CNOT8: variants seen among roughly 807,000 people sequenced by gnomAD.
CNOT8 encodes CCR4-NOT transcription complex subunit 8, also known as CAF1-like protein.
Under a neutral mutation model 34.6 loss-of-function variants are expected in CNOT8, and 18 were observed. The observed-to-expected ratio is 0.52, with a 90% CI of 0.36 to 0.77. The LOEUF (loss-of-function observed/expected upper bound fraction) is 0.77, where lower values mean the gene tolerates loss of function less well. Among genes scored for constraint, CNOT8 ranks in the 30% least tolerant of loss-of-function variants. CNOT8 has a pLI of 0.00. For synonymous variants in CNOT8, 101 were observed against 118.8 expected, an observed-to-expected ratio of 0.85 and a Z score of 0.98; for missense variants, 189 against 347.9, an observed-to-expected ratio of 0.54 and a Z score of 3.63.
intron 1 of CNOT8, among the ~76,000 whole-genome samples, chr5:154,862,038 A>G (rs1287090484): frequency 6.6e-6 from 1 of 152,118 alleles, no homozygotes; most frequent in Non-Finnish European, 1.5e-5. Flanking sequence ...GTTGTTTGCC[A>G]TAATAATAAC....
chr5:154,870,311 T>C (rs534183556), intron 3 of CNOT8: 64 of 161,002 alleles, frequency 4.0e-4, no homozygotes, highest in Non-Finnish European at 6.6e-4. Context: ...CTGGAACTCC[T>C]GGTCTGAAGT....
intron 1 of CNOT8, 169 bp downstream of exon 1, chr5:154,858,937 G>A (rs1005929677): frequency 1.3e-5 from 2 of 152,192 alleles, no homozygotes; most frequent in Non-Finnish European, 2.9e-5. Context: ...ACCGTCACAC[G>A]ATAATATTCG....
intron 3 of CNOT8, among the ~76,000 whole-genome samples, chr5:154,867,398 C>G (rs1762000661): frequency 6.6e-6 from 1 of 151,920 alleles, no homozygotes; most frequent in African/African-American, 2.4e-5. Context: ...ATGACAGAGT[C>G]TTTTAGATAA....
intron 3 of CNOT8, among the ~76,000 whole-genome samples, chr5:154,869,318 C>T (rs1490349685): frequency 1.3e-5 from 2 of 151,008 alleles, no homozygotes; most frequent in South Asian, 4.2e-4. Context: ...GGGGTTTCTC[C>T]ATGTTGGTCA....
chr5:154,866,302 C>T (rs1761862452), intron 3 of CNOT8, among the ~76,000 whole-genome samples: 1 of 152,162 alleles, frequency 6.6e-6, no homozygotes, highest in Non-Finnish European at 1.5e-5. Flanking sequence ...GCTGGGACTA[C>T]AGGTGCACGC....
rs776689029 is a variant in CNOT8, at chr5:154,863,355, A to G, written c.77A>G (p.Lys26Arg). The change falls in exon 2 of 7, where the codon AAG (lysine) becomes AGG (arginine). Residue 26 changes from lysine to arginine, a missense_variant. By Grantham distance (26) the Lys-to-Arg change is conservative (BLOSUM62 2). This residue lies in a region of CNOT8 where 160 missense variants were observed against 321.9 expected (regional missense o/e 0.50). Transcript: ENST00000285896. Reference sequence around the variant, plus strand: ...AGTAATCTAGAAGAAGAGATGAGGAAGATCCGAGAAATCGTGCTCAGTTAC... The same window carrying G: ...AGTAATCTAGAAGAAGAGATGAGGAGGATCCGAGAAATCGTGCTCAGTTAC... ...WASNLEEEMRKIREIVLSYSY... is the reference protein window; with the variant it reads ...WASNLEEEMRRIREIVLSYSY... The G allele has an allele frequency of 6.2e-7, 1 of 1,614,030 alleles. No individual in the cohort carries two copies. The highest frequency in any genetic ancestry group is 8.5e-7 in the Non-Finnish European group (1 of 1,179,878).
chr5:154,859,789 A>C (rs900285350), intron 1 of CNOT8: 1 of 152,220 alleles, frequency 6.6e-6, no homozygotes, highest in Non-Finnish European at 1.5e-5. Flanking sequence ...GTTTTGGAGA[A>C]GTTTACACCG....
At position 154,875,580 on chromosome 5, in the gene CNOT8, TA is replaced by T; in HGVS notation, c.*142del. ...GCATTGAGCAGAAAGACTTTTGTTT[TA>T]CTGAAGACAAAAGATGTTTTTATTT... is the stretch of plus-strand genomic sequence containing the variant. On this transcript the variant is annotated 3_prime_UTR_variant, in exon 7 of 7. Transcript: ENST00000285896. 1.1e-6 allele frequency: 1 copy of T among 882,420 alleles called. No individual in the cohort carries two copies. Among genetic ancestry groups the T allele is most frequent in the Non-Finnish European group, 1.7e-6 (1 of 605,962 alleles). 54.7% of individuals were successfully genotyped at this position (882,420 alleles called of 1,614,324 possible). A position where few individuals can be genotyped will look rare whatever the true frequency, so the allele number is the denominator to read the frequency against.
intron 4 of CNOT8, among the ~76,000 whole-genome samples, chr5:154,871,120 G>A (rs942302841): frequency 2.1e-4 from 32 of 152,060 alleles, no homozygotes; most frequent in Admixed American, 6.6e-4. Context: ...TGGCTGTCTC[G>A]GAGTTTCTTA....
At chr5:154,861,505 AT>A (rs1361410305) in intron 1 of CNOT8, among the ~76,000 whole-genome samples, 1 of 152,240 alleles carries the variant, frequency 6.6e-6, no homozygotes, top group Non-Finnish European at 1.5e-5. Context: ...CCAGATTCTC[AT>A]TGTTGCATCT....
intron 3 of CNOT8, among the ~76,000 whole-genome samples, chr5:154,866,742 A>G (rs1430932848): frequency 1.3e-5 from 2 of 152,050 alleles, no homozygotes; most frequent in African/African-American, 4.8e-5. Flanking sequence ...GTGAAACCCC[A>G]TCTCTACTAA....
intron 6 of CNOT8, 71 bp downstream of exon 6, chr5:154,872,722 G>T: frequency 1.3e-6 from 1 of 762,006 alleles, no homozygotes. Flanking sequence ...GTAGTGGATG[G>T]TCTGTTATGT....
intron 3 of CNOT8, chr5:154,870,389 G>GT (rs1762378098): frequency 1.2e-5 from 3 of 244,374 alleles, no homozygotes; most frequent in African/African-American, 2.4e-5. Flanking sequence ...TGGTGTTATT[G>GT]GTTTTTTTTT....
At chr5:154,859,576 C>T (rs919768946) in intron 1 of CNOT8, 2 of 152,242 alleles carry the variant, frequency 1.3e-5, no homozygotes. Context: ...TCTATCATAT[C>T]TATGCACGGC....
At position 154,875,501 on chromosome 5, in the gene CNOT8, A is replaced by C; in HGVS notation, c.*62A>C. 1 of 1,569,264 alleles carries C rather than the reference A, an allele frequency of 6.4e-7. No individual in the cohort carries two copies. On this transcript the variant is annotated 3_prime_UTR_variant, in exon 7 of 7. Transcript: ENST00000285896. The stretch of plus-strand genomic sequence containing the variant: ...GTGGTGCTTACTGTGCTGACTGTGT[A>C]CTTATCTTCCCCAAGAGAAAATGCT...
At chr5:154,859,186 CAG>C (rs1218369951) in intron 1 of CNOT8, 5 of 152,094 alleles carry the variant, frequency 3.3e-5, no homozygotes, top group African/African-American at 1.2e-4. Flanking sequence ...CAAACAAAAA[CAG>C]AAGAAGAATG....
intron 3 of CNOT8, 29 bp from the exon 4 acceptor site, chr5:154,870,632 A>G (rs973190435): frequency 6.3e-7 from 1 of 1,577,358 alleles, no homozygotes; most frequent in African/African-American, 1.4e-5. Context: ...ATTATTCACC[A>G]GTTAATAAAT....
intron 2 of CNOT8, among the ~76,000 whole-genome samples, chr5:154,864,035 T>C (rs888301369): frequency 6.6e-6 from 1 of 152,120 alleles, no homozygotes; most frequent in Admixed American, 6.6e-5. Context: ...ATTGTGGTAA[T>C]ATTAAGGGCC....
chr5:154,870,662 G>C lies in CNOT8; in HGVS notation c.313G>C (p.Glu105Gln). The C allele has an allele frequency of 6.2e-7, 1 of 1,607,278 alleles. No homozygotes were observed. The highest frequency in any genetic ancestry group is 8.5e-7 in the Non-Finnish European group (1 of 1,177,658). ...ATAAATAAACACCTTGTTTTTTAGA[G>C]AGGACATGTACTCCCAGGATTCCAT... Reference protein sequence around the residue: ...WQFNFKFNLTEDMYSQDSIDL... With the variant: ...WQFNFKFNLTQDMYSQDSIDL... The change falls in exon 4 of 7, where the codon GAG (glutamate) becomes CAG (glutamine). Residue 105 changes from glutamate (E) to glutamine (Q), a missense_variant and splice_region_variant. Glu to Gln is a conservative substitution (Grantham distance 29, BLOSUM62 2). Around this residue, in one of 2 missense-constraint regions of CNOT8, gnomAD observed 160 missense variants for 321.9 expected, o/e 0.50. Transcript: ENST00000285896.
Sources: allele counts gnomAD v4.1 joint callset (sites outside exome capture counted in the v4.1 genomes callset), GRCh38; gene constraint gnomAD v4.1.1; regional missense constraint gnomAD v4.1.1; transcripts MANE v1.5; gene names NCBI Gene and HGNC (gene_info 2026-07-23, HGNC 2026-07-21).